The following MARCHF1 variants were observed in gnomAD, a reference collection of about 807,000 sequenced individuals.
MARCHF1 encodes E3 ubiquitin-protein ligase MARCHF1.
Under a neutral mutation model 54.2 loss-of-function variants are expected in MARCHF1, and 40 were observed. The observed-to-expected ratio is 0.74, with a 90% CI of 0.57 to 0.96. MARCHF1 has a LOEUF of 0.96. Ranked by LOEUF, MARCHF1 falls within the 40% of genes least tolerant of loss-of-function variation. The pLI, the probability that MARCHF1 is intolerant of heterozygous loss-of-function variation, is 0.00. For synonymous variants in MARCHF1, 236 were observed against 236.3 expected, an observed-to-expected ratio of 1.00 and a Z score of 0.01; for missense variants, 586 against 656.5, an observed-to-expected ratio of 0.89 and a Z score of 1.17.
intron 2 of MARCHF1, among the ~76,000 whole-genome samples, chr4:163,997,399 G>C (rs1753097656): frequency 6.6e-6 from 1 of 151,974 alleles, no homozygotes; most frequent in Admixed American, 6.6e-5. Flanking sequence ...AGGTCCATCT[G>C]AGTCAGTATA....
chr4:164,163,973 A>T (rs532990178), intron 1 of MARCHF1, among the ~76,000 whole-genome samples: 1 of 152,044 alleles, frequency 6.6e-6, no homozygotes, highest in East Asian at 1.9e-4. Context: ...CAGATTTCTA[A>T]ATAACCCATG....
intron 1 of MARCHF1, among the ~76,000 whole-genome samples, chr4:164,242,134 A>T (rs1732785839): frequency 6.6e-6 from 1 of 151,824 alleles, no homozygotes; most frequent in Admixed American, 6.6e-5. Flanking sequence ...CCACAGCTCA[A>T]GGAGGCCTGC....
Position 164,266,509 on chromosome 4 carries a change from G to GA in MARCHF1, c.-323+117360dup, listed in dbSNP as rs1733614919. ...GTAAATGTTTGCCTATGGTCTCTGA[G>GA]ATTCTAATCCACAGAGTTCATTCTA... On this transcript the variant is annotated intron_variant, in intron 1 of 9. Transcript: ENST00000514618. 2.0e-5 allele frequency among the ~76,000 whole-genome samples: 3 copies of GA among 152,290 alleles called. No homozygotes were observed. The South Asian group carries it at 6.2e-4, about 32-fold the overall frequency.
At chr4:164,276,683 T>C (rs1733890309) in intron 1 of MARCHF1, among the ~76,000 whole-genome samples, 1 of 151,024 alleles carries the variant, frequency 6.6e-6, no homozygotes, top group Non-Finnish European at 1.5e-5. Flanking sequence ...TATACAATTA[T>C]GGTTTTTCAA....
chr4:164,020,982 G>A (rs1296458155), intron 2 of MARCHF1, among the ~76,000 whole-genome samples: 3 of 151,660 alleles, frequency 2.0e-5, no homozygotes, highest in Non-Finnish European at 4.4e-5. Context: ...TGTTGTTGTT[G>A]TTGTTTTGTT....
chr4:163,857,283 A>T (rs1227610796), intron 3 of MARCHF1, among the ~76,000 whole-genome samples: 1 of 152,146 alleles, frequency 6.6e-6, no homozygotes, highest in Non-Finnish European at 1.5e-5. Flanking sequence ...GATTCTAAAA[A>T]TAGTTGAGAT....
intron 1 of MARCHF1, chr4:164,189,796 A>C (rs1731075671): frequency 1.3e-6 from 2 of 1,568,462 alleles, no homozygotes; most frequent in Non-Finnish European, 1.8e-6. Context: ...CTGACAAAAG[A>C]CATTCATCTT....
chr4:163,747,393 C>T (rs569271164), intron 4 of MARCHF1, among the ~76,000 whole-genome samples: 2 of 152,250 alleles, frequency 1.3e-5, no homozygotes, highest in South Asian at 4.1e-4. Context: ...AAATAATTCC[C>T]ACAGGTACGT....
At position 164,082,020 on chromosome 4, in the gene MARCHF1, T is replaced by C. The variant is rs372901473; in HGVS notation, c.-248+29568A>G. 3.2e-4 allele frequency among the ~76,000 whole-genome samples: 49 copies of C among 152,348 alleles called. 1 individual carries two copies. The South Asian group carries it at 9.7e-3, about 30-fold the overall frequency. Reference sequence around the variant, plus strand: ...TAGGCCTGTTCTGTGCGTGTAATCCTGTCTACCTTGCCAACTCAGGCAGGC... The same window carrying C: ...TAGGCCTGTTCTGTGCGTGTAATCCCGTCTACCTTGCCAACTCAGGCAGGC... On this transcript the variant is annotated intron_variant, in intron 2 of 9. Coordinates refer to ENST00000514618, the MANE Select transcript of MARCHF1 (RefSeq NM_001394959.1).
intron 1 of MARCHF1, among the ~76,000 whole-genome samples, chr4:164,308,463 A>G (rs1330153382): frequency 6.6e-6 from 1 of 151,664 alleles, no homozygotes; most frequent in East Asian, 1.9e-4. Context: ...AAGCAAGATC[A>G]TTTTCCTTTT....
chr4:164,220,707 A>C (rs974054993), intron 1 of MARCHF1, among the ~76,000 whole-genome samples: 1 of 146,804 alleles, frequency 6.8e-6, no homozygotes, highest in African/African-American at 2.5e-5. Context: ...ATATGTATAT[A>C]TGTAATATAT....
chr4:164,155,083 C>T (rs1259037725), intron 1 of MARCHF1, among the ~76,000 whole-genome samples: 1 of 152,174 alleles, frequency 6.6e-6, no homozygotes, highest in African/African-American at 2.4e-5. Context: ...CTGTTCGTCT[C>T]CTCATCTGCT....
chr4:163,948,694 G>T (rs530889596), intron 3 of MARCHF1, among the ~76,000 whole-genome samples: 6 of 151,624 alleles, frequency 4.0e-5, no homozygotes, highest in African/African-American at 1.5e-4. Context: ...AAGACAAGAA[G>T]AAAACCTAAG....
At chr4:163,651,353 C>T (rs1742956659) in intron 5 of MARCHF1, among the ~76,000 whole-genome samples, 3 of 151,742 alleles carry the variant, frequency 2.0e-5, no homozygotes, top group Admixed American at 2.0e-4. Flanking sequence ...AGATTTTCAA[C>T]CAGTCCTAGT....
chr4:163,956,363 A>T (rs1488430602), intron 3 of MARCHF1, among the ~76,000 whole-genome samples: 1 of 152,148 alleles, frequency 6.6e-6, no homozygotes, highest in African/African-American at 2.4e-5. Context: ...AATAGGACAT[A>T]TGATGACTTT....
At chr4:164,140,581 C>A (rs976427576) in intron 1 of MARCHF1, among the ~76,000 whole-genome samples, 13 of 152,078 alleles carry the variant, frequency 8.5e-5, no homozygotes, top group South Asian at 2.1e-4. Flanking sequence ...TCTATATAAA[C>A]TCCTAATTGT....
intron 7 of MARCHF1, among the ~76,000 whole-genome samples, chr4:163,609,943 AT>A (rs1336137375): frequency 1.3e-5 from 2 of 152,024 alleles, no homozygotes; most frequent in African/African-American, 2.4e-5. Flanking sequence ...TTAAAGAGTT[AT>A]TTTTTATCAA....
intron 1 of MARCHF1, among the ~76,000 whole-genome samples, chr4:164,337,478 A>C (rs1007051694): frequency 6.6e-6 from 1 of 152,138 alleles, no homozygotes; most frequent in African/African-American, 2.4e-5. Context: ...TGCCCAAGAG[A>C]TCCATTATCT....
intron 1 of MARCHF1, among the ~76,000 whole-genome samples, chr4:164,364,525 C>T (rs1008737471): frequency 1.3e-5 from 2 of 151,994 alleles, no homozygotes; most frequent in East Asian, 3.8e-4. Context: ...TCATATTTAA[C>T]GTTGAACATA....
Sources: gnomAD v4.1 joint callset for allele counts (sites outside exome capture counted in the v4.1 genomes callset) on GRCh38, gnomAD v4.1.1 for gene constraint, MANE v1.5 for transcripts, NCBI Gene and HGNC (gene_info 2026-07-23, HGNC 2026-07-21) for gene names.